The following STK39 variants were observed in gnomAD, a reference collection of about 807,000 sequenced individuals.
STK39 encodes STE20/SPS1-related proline-alanine-rich protein kinase.
Under a neutral mutation model 77.8 loss-of-function variants are expected in STK39, and 20 were observed. That is an observed-to-expected ratio of 0.26 (90% confidence interval 0.18 to 0.37). STK39 has a LOEUF of 0.37. Ranked by LOEUF, STK39 falls within the 10% of genes least tolerant of loss-of-function variation. The pLI, the probability that STK39 is intolerant of heterozygous loss-of-function variation, is 1.00. For synonymous variants in STK39, 246 were observed against 234.1 expected (o/e 1.05, Z -0.47); for missense variants, 479 against 656.5 (o/e 0.73, Z 2.95).
intron 14 of STK39, among the ~76,000 whole-genome samples, chr2:168,047,921 T>C (rs1685286167): frequency 6.6e-6 from 1 of 152,242 alleles, no homozygotes; most frequent in African/African-American, 2.4e-5. Flanking sequence ...CCAAAACTCA[T>C]ATTTCCTTTT....
chr2:167,975,635 G>A (rs1184067113), intron 16 of STK39, among the ~76,000 whole-genome samples: 1 of 152,150 alleles, frequency 6.6e-6, no homozygotes, highest in Non-Finnish European at 1.5e-5. Context: ...CTAACACGGT[G>A]AAACCCCGTC....
intron 1 of STK39, among the ~76,000 whole-genome samples, chr2:168,205,257 C>G (rs925463739): frequency 6.6e-6 from 1 of 152,076 alleles, no homozygotes; most frequent in African/African-American, 2.4e-5. Flanking sequence ...TAAATTAAAA[C>G]CAGTTATAAA....
At chr2:168,021,655 G>T (rs559368263) in intron 14 of STK39, among the ~76,000 whole-genome samples, 1 of 151,996 alleles carries the variant, frequency 6.6e-6, no homozygotes. Context: ...TTCAACACTC[G>T]GCTGCCTTTG....
At chr2:168,241,888 C>A (rs1412941155) in intron 1 of STK39, among the ~76,000 whole-genome samples, 2 of 152,202 alleles carry the variant, frequency 1.3e-5, no homozygotes, top group Non-Finnish European at 2.9e-5. Flanking sequence ...TGAGTGCAGA[C>A]ACATCTAAGT....
intron 17 of STK39, among the ~76,000 whole-genome samples, chr2:167,959,051 C>T (rs752012383): frequency 6.6e-6 from 1 of 152,128 alleles, no homozygotes; most frequent in African/African-American, 2.4e-5. Context: ...TTTCCAAAAT[C>T]CTATTTTTGC....
chr2:167,975,800 GTTC>G (rs1013271940), intron 16 of STK39, among the ~76,000 whole-genome samples: 15 of 152,290 alleles, frequency 9.8e-5, no homozygotes, highest in African/African-American at 3.6e-4. Flanking sequence ...CATCAGTTTA[GTTC>G]TTCTTTGGGA....
chr2:167,968,893 A>G (rs1282018538), intron 16 of STK39, among the ~76,000 whole-genome samples: 1 of 152,210 alleles, frequency 6.6e-6, no homozygotes, highest in Non-Finnish European at 1.5e-5. Flanking sequence ...GACAAAATAA[A>G]AGATTCACCC....
chr2:168,059,715 G>C (rs1417641295), intron 14 of STK39, among the ~76,000 whole-genome samples: 5 of 152,180 alleles, frequency 3.3e-5, no homozygotes, highest in African/African-American at 1.2e-4. Flanking sequence ...ATAAATGGGT[G>C]CTGTTCTAAG....
intron 3 of STK39, among the ~76,000 whole-genome samples, chr2:168,166,764 T>G (rs181855231): frequency 6.6e-6 from 1 of 152,288 alleles, no homozygotes; most frequent in East Asian, 1.9e-4. Flanking sequence ...AAAAAGTAGA[T>G]AGCAGCACCT....
At chr2:168,125,864 T>A (rs769572695) in intron 10 of STK39, among the ~76,000 whole-genome samples, 3 of 152,126 alleles carry the variant, frequency 2.0e-5, no homozygotes, top group East Asian at 3.9e-4. Flanking sequence ...AACAAAAACA[T>A]CACATTTTGG....
intron 10 of STK39, among the ~76,000 whole-genome samples, chr2:168,084,754 C>T (rs964715013): frequency 2.0e-5 from 3 of 152,234 alleles, no homozygotes; most frequent in Non-Finnish European, 4.4e-5. Flanking sequence ...AAACCTGTTT[C>T]TCATTCCCAA....
intron 5 of STK39, among the ~76,000 whole-genome samples, chr2:168,141,719 G>A (rs935746155): frequency 2.6e-5 from 4 of 152,154 alleles, no homozygotes; most frequent in Non-Finnish European, 5.9e-5. Flanking sequence ...ACACCACAGC[G>A]CAATGTGCAG....
At position 168,235,983 on chromosome 2, in the gene STK39, C is replaced by A. The variant is rs930444740; in HGVS notation, c.208+11245G>T. 1.2e-3 allele frequency among the ~76,000 whole-genome samples: 187 copies of A among 152,116 alleles called. 1 individual carries two copies. The highest frequency in any genetic ancestry group is 4.2e-3 in the African/African-American group (175 of 41,468). On this transcript the variant is annotated intron_variant, in intron 1 of 17. Coordinates refer to ENST00000355999, the MANE Select transcript of STK39 (RefSeq NM_013233.3). The stretch of plus-strand genomic sequence containing the variant: ...GGGTATATACCCAGTAATGGAATGG[C>A]TGGGTCAAATGGTATTTCTAGTTCT...
intron 14 of STK39, among the ~76,000 whole-genome samples, chr2:168,033,385 C>T (rs1038789730): frequency 1.5e-4 from 23 of 152,152 alleles, no homozygotes; most frequent in Non-Finnish European, 3.1e-4. Flanking sequence ...AAGAGACTTC[C>T]GGCTACGAAA....
intron 10 of STK39, among the ~76,000 whole-genome samples, chr2:168,121,488 AC>A (rs1344673678): frequency 2.0e-5 from 3 of 152,312 alleles, no homozygotes; most frequent in African/African-American, 7.2e-5. Context: ...CACTGCCAGC[AC>A]CTTGATGGAT....
chr2:168,020,754 T>C (rs1684549960), intron 14 of STK39, among the ~76,000 whole-genome samples: 1 of 152,082 alleles, frequency 6.6e-6, no homozygotes, highest in African/African-American at 2.4e-5. Flanking sequence ...TTCCATTTTT[T>C]CCATGACTGT....
chr2:167,991,633 G>A (rs1683703243), intron 16 of STK39, among the ~76,000 whole-genome samples: 1 of 152,174 alleles, frequency 6.6e-6, no homozygotes, highest in African/African-American at 2.4e-5. Context: ...CACATACTGA[G>A]TTTAGTATTA....
At chr2:168,209,107 A>G (rs1267241060) in intron 1 of STK39, among the ~76,000 whole-genome samples, 1 of 152,084 alleles carries the variant, frequency 6.6e-6, no homozygotes, top group African/African-American at 2.4e-5. Context: ...CAAACCTTCG[A>G]TTTTGGTTAA....
At chr2:167,970,272 A>G (rs1360153513) in intron 16 of STK39, among the ~76,000 whole-genome samples, 1 of 152,126 alleles carries the variant, frequency 6.6e-6, no homozygotes, top group Non-Finnish European at 1.5e-5. Flanking sequence ...AACTCCACAT[A>G]CCCAGAAAAT....
Sources: allele counts gnomAD v4.1 joint callset (sites outside exome capture counted in the v4.1 genomes callset), GRCh38; gene constraint gnomAD v4.1.1; transcripts MANE v1.5; gene names NCBI Gene and HGNC (gene_info 2026-07-23, HGNC 2026-07-21).